The following MAD1L1 variants were observed in gnomAD, a reference collection of about 807,000 sequenced individuals.
The protein encoded by MAD1L1 is mitotic arrest deficient 1 like 1.
In MAD1L1, 95 loss-of-function variants were observed where a neutral mutation model predicts 96.9. The ratio of observed to expected loss-of-function variants is 0.98; its 90% CI spans 0.83 to 1.16. MAD1L1 has a LOEUF of 1.16. Among genes scored for constraint, MAD1L1 ranks in the 50% most tolerant of loss-of-function variants. The pLI is 0.00. For missense variants in MAD1L1, 1,007 were observed against 954.4 expected (o/e 1.06, Z -0.73); for synonymous variants, 473 against 396.6 (o/e 1.19, Z -2.29).
chr7:2,075,048 G>A (rs2128533946), intron 11 of MAD1L1, among the ~76,000 whole-genome samples: 1 of 152,300 alleles, frequency 6.6e-6, no homozygotes, highest in South Asian at 2.1e-4. Context: ...AGAGCGGGCT[G>A]AGCCAGAGGG....
intron 18 of MAD1L1, among the ~76,000 whole-genome samples, chr7:1,827,518 C>G (rs1222778067): frequency 1.5e-5 from 2 of 135,278 alleles, no homozygotes; most frequent in African/African-American, 5.2e-5. Flanking sequence ...GGGGTCCTCC[C>G]CTCCTGAGCC....
At chr7:2,076,577 T>C (rs1390377613) in intron 11 of MAD1L1, among the ~76,000 whole-genome samples, 1 of 152,170 alleles carries the variant, frequency 6.6e-6, no homozygotes, top group African/African-American at 2.4e-5. Context: ...TGTTCACACA[T>C]GGGCATGGGG....
chr7:1,847,848 TC>T, intron 18 of MAD1L1: 1 of 388,524 alleles, frequency 2.6e-6, no homozygotes, highest in East Asian at 7.3e-5. Context: ...CAAGTGAGGC[TC>T]CCACGTGCTG....
At chr7:1,896,336 G>A (rs1043423473) in intron 18 of MAD1L1, among the ~76,000 whole-genome samples, 11 of 152,348 alleles carry the variant, frequency 7.2e-5, no homozygotes, top group South Asian at 2.1e-4. Context: ...GATGAGGGCC[G>A]GGGGAGCTGA....
chr7:1,912,614 G>A lies in MAD1L1; in HGVS notation c.1808-14224C>T, dbSNP rs568153812. The stretch of plus-strand genomic sequence containing the variant: ...CCCATCCCTGCACCAGTGGGGGAAC[G>A]GTCCTCAGAGCACTCCCCTCTCATC... On this transcript the variant is annotated intron_variant, in intron 17 of 18. Coordinates refer to ENST00000265854, the MANE Select transcript of MAD1L1 (RefSeq NM_001013836.2). 7.9e-5 allele frequency among the ~76,000 whole-genome samples: 12 copies of A among 152,194 alleles called. No homozygotes were observed. The South Asian group carries it at 2.3e-3, about 29-fold the overall frequency.
chr7:1,850,618 C>T (rs570890412), intron 18 of MAD1L1, among the ~76,000 whole-genome samples: 7 of 152,274 alleles, frequency 4.6e-5, no homozygotes, highest in East Asian at 1.9e-4. Flanking sequence ...GGAGAAGGCA[C>T]GGGGCTGGAC....
intron 18 of MAD1L1, among the ~76,000 whole-genome samples, chr7:1,827,399 G>A (rs1223198483): frequency 1.3e-5 from 2 of 151,680 alleles, no homozygotes; most frequent in Non-Finnish European, 2.9e-5. Flanking sequence ...CCTGAGCCCC[G>A]CCCAGGTGTG....
At chr7:1,989,641 G>T (rs1269581766) in intron 14 of MAD1L1, among the ~76,000 whole-genome samples, 1 of 151,898 alleles carries the variant, frequency 6.6e-6, no homozygotes, top group Non-Finnish European at 1.5e-5. Flanking sequence ...TCCAGCCTCA[G>T]CGTGGACCAG....
rs1786066564 is a variant in MAD1L1, at chr7:2,088,918, T to C, written c.1074-19580A>G. 1 of 152,360 alleles carries C rather than the reference T, an allele frequency of 6.6e-6. No individual in the cohort carries two copies. Among genetic ancestry groups the C allele is most frequent in the African/African-American group, 2.4e-5 (1 of 41,456 alleles). 9.4% of individuals were successfully genotyped at this position (152,360 alleles called of 1,614,324 possible). On this transcript the variant is annotated intron_variant, in intron 11 of 18. Transcript: ENST00000265854. This position sits in a 1 kb window ranked among gnomAD's most constrained non-coding sequence, Gnocchi z 4.4. ...GCTGCCAGGCCCACGGTGGGGGTTG[T>C]GCCTGCAGAAGGCCTCCGAGCCACG...
rs1305811655 is a variant in MAD1L1, at chr7:2,069,198, G to A, written c.1214C>T (p.Thr405Ile). Residue 405 changes from threonine to isoleucine, a missense_variant, in exon 12 of 19, where the codon ACC (threonine) becomes ATC (isoleucine). Coordinates refer to ENST00000265854, the MANE Select transcript of MAD1L1 (RefSeq NM_001013836.2). ...RRLQKRVLLL[T>I]KERDGMRAIL... ...AGATGTAAGGGCATACATCACCTTGGTGAGCAGCAGGACCCGTTTCTGGAG... is the reference window on the plus strand; with the variant it reads ...AGATGTAAGGGCATACATCACCTTGATGAGCAGCAGGACCCGTTTCTGGAG... 9 of 1,593,762 alleles carry A rather than the reference G, an allele frequency of 5.6e-6. No homozygotes were observed. In the East Asian group the frequency reaches 6.8e-5, roughly 12 times the overall value.
At chr7:2,175,387 G>A (rs1790898048) in intron 10 of MAD1L1, 1 of 148,448 alleles carries the variant, frequency 6.7e-6, no homozygotes, top group Non-Finnish European at 1.5e-5. Flanking sequence ...TTAGCATTTG[G>A]TTTTCTCAAG....
intron 13 of MAD1L1, among the ~76,000 whole-genome samples, chr7:2,009,113 G>C (rs952331697): frequency 3.3e-5 from 5 of 152,236 alleles, no homozygotes; most frequent in African/African-American, 1.2e-4. Context: ...TTCCGGGTGG[G>C]ACCACGTGTC....
intron 16 of MAD1L1, among the ~76,000 whole-genome samples, chr7:1,949,322 G>C (rs1425258552): frequency 6.6e-6 from 1 of 152,232 alleles, no homozygotes; most frequent in Non-Finnish European, 1.5e-5. Context: ...GCTCTGCCGG[G>C]CACGCAAGCA....
chr7:2,131,054 C>A (rs542005572), intron 11 of MAD1L1, among the ~76,000 whole-genome samples: 16 of 152,276 alleles, frequency 1.1e-4, no homozygotes, highest in South Asian at 2.1e-4. Context: ...CCTGGAAGAA[C>A]CTTGCACTTG....
chr7:2,040,544 G>A (rs902119711), intron 12 of MAD1L1, among the ~76,000 whole-genome samples: 3 of 152,184 alleles, frequency 2.0e-5, no homozygotes, highest in Admixed American at 1.3e-4. Flanking sequence ...TTCTGCTGCT[G>A]ACCTTATATC....
At position 2,014,630 on chromosome 7, in the gene MAD1L1, T is replaced by C. The variant is rs1562607985; in HGVS notation, c.1231A>G (p.Met411Val). 6.2e-7 allele frequency: 1 copy of C among 1,611,400 alleles called. No individual in the cohort carries two copies. The highest frequency in any genetic ancestry group is 2.2e-5 in the East Asian group (1 of 44,822). The change falls in exon 13 of 19, where the codon ATG (methionine) becomes GTG (valine). Residue 411 changes from methionine to valine, a missense_variant. Physicochemically the swap from Met to Val is conservative, Grantham distance 21 (BLOSUM62 1). Coordinates refer to ENST00000265854, the MANE Select transcript of MAD1L1 (RefSeq NM_001013836.2). ...VLLLTKERDG[M>V]RAILGSYDSE... The stretch of plus-strand genomic sequence containing the variant: ...TCGTAGGACCCCAGGATGGCCCGCA[T>C]ACCGTCCCGCTCCTGTGGACACAGA...
At chr7:1,984,453 T>C (rs1781056042) in intron 14 of MAD1L1, among the ~76,000 whole-genome samples, 1 of 152,272 alleles carries the variant, frequency 6.6e-6, no homozygotes. Context: ...TTTCCATTAT[T>C]CTTTGCCCAC....
intron 15 of MAD1L1, among the ~76,000 whole-genome samples, chr7:1,965,497 A>G (rs12669018): frequency 0.051 from 7,778 of 152,304 alleles, 273 homozygotes; most frequent in African/African-American, 0.088. Context: ...CCATCCAGGC[A>G]GTGGTGAGGC....
At chr7:2,231,078 G>A (rs569463719) in intron 1 of MAD1L1, among the ~76,000 whole-genome samples, 7 of 152,222 alleles carry the variant, frequency 4.6e-5, no homozygotes, top group African/African-American at 9.6e-5. Context: ...TTCGGGAGGC[G>A]GAGGCAGGTC....
Sources: allele counts gnomAD v4.1 joint callset (sites outside exome capture counted in the v4.1 genomes callset), GRCh38; gene constraint gnomAD v4.1.1; non-coding constraint Gnocchi (gnomAD v3.1); transcripts MANE v1.5; gene names NCBI Gene and HGNC (gene_info 2026-07-23, HGNC 2026-07-21).